Variants in POLR2H observed in about 807,000 individuals in gnomAD.
The protein encoded by POLR2H is RNA polymerase II, I and III subunit H.
Under a neutral mutation model 18.1 loss-of-function variants are expected in POLR2H, and 3 were observed. The observed-to-expected ratio is 0.17, with a 90% CI of 0.08 to 0.43. The LOEUF (loss-of-function observed/expected upper bound fraction) is 0.43, where lower values mean the gene tolerates loss of function less well. Among genes scored for constraint, POLR2H ranks in the 20% least tolerant of loss-of-function variants. POLR2H has a pLI of 0.99. For missense variants in POLR2H, 103 were observed against 184.6 expected (o/e 0.56, Z 2.56); for synonymous variants, 76 against 69.0 (o/e 1.10, Z -0.50).
At chr3:184,363,617 A>T (rs1005104995) in intron 2 of POLR2H, 52 bp downstream of exon 2, 14 of 1,457,702 alleles carry the variant, frequency 9.6e-6, no homozygotes, top group Non-Finnish European at 1.2e-5. Context: ...CCTCGCGGAC[A>T]TGCCCCTGGG....
chr3:184,368,094 TG>T, intron 5 of POLR2H, 82 bp from the exon 6 acceptor site: 1 of 1,608,992 alleles, frequency 6.2e-7, no homozygotes, highest in South Asian at 1.1e-5. Flanking sequence ...AGTAGGAAGA[TG>T]CCTCTTCTCT....
Position 184,363,476 on chromosome 3 carries a change from C to G in POLR2H, c.-17C>G. 1.2e-6 allele frequency: 2 copies of G among 1,611,900 alleles called. No homozygotes were observed. Among genetic ancestry groups the G allele is most frequent in the Non-Finnish European group, 1.7e-6 (2 of 1,178,100 alleles). ...TCGCGCTCTCACCCCTTCTGCTGCT[C>G]TCGTGGCCCCCTCGCGATGGCGGGC... On this transcript the variant is annotated 5_prime_UTR_variant, in exon 2 of 6. Transcript: ENST00000456318.
intron 3 of POLR2H, 37 bp from the exon 4 acceptor site, chr3:184,365,096 G>A (rs1713005458): frequency 1.3e-6 from 2 of 1,583,322 alleles, no homozygotes; most frequent in South Asian, 1.1e-5. Context: ...TGCTGCTTCT[G>A]CTATTCTTTA....
Position 184,363,367 on chromosome 3 carries a change from G to T in POLR2H, c.-126G>T, listed in dbSNP as rs890268534. The T allele has an allele frequency of 1.5e-5, 12 of 783,792 alleles. No homozygotes were observed. Among genetic ancestry groups the T allele is most frequent in the Non-Finnish European group, 2.4e-5 (11 of 453,222 alleles). 48.6% of individuals were successfully genotyped at this position (783,792 alleles called of 1,614,324 possible). On this transcript the variant is annotated 5_prime_UTR_variant, in exon 2 of 6. Coordinates refer to ENST00000456318, the MANE Select transcript of POLR2H (RefSeq NM_006232.5). ...TTGTTTGTGCGCATGCGCCACTCTC[G>T]TCTGGCCGCCGCGCTTTCAGGAGGT...
In POLR2H at chr3:184,363,264, C is replaced by T. The variant is rs775238845; in HGVS notation, c.-229C>T. The T allele has an allele frequency of 6.6e-5, 39 of 589,306 alleles. No homozygotes were observed. Among genetic ancestry groups the T allele is most frequent in the Middle Eastern group, 4.6e-4 (1 of 2,184 alleles). 36.5% of individuals were successfully genotyped at this position (589,306 alleles called of 1,614,324 possible). ...TGAGACCCGCCCTCAATGCCGAAGC[C>T]TCTCGGAAGCAATCTTTCGGGACGG... On this transcript the variant is annotated 5_prime_UTR_variant, in exon 2 of 6. Coordinates refer to ENST00000456318, the MANE Select transcript of POLR2H (RefSeq NM_006232.5).
At position 184,368,083 on chromosome 3, in the gene POLR2H, C is replaced by T. The variant is rs1560278246; in HGVS notation, c.336-94C>T. Reference sequence around the variant, plus strand: ...AGAATTTTGGTTCCTAGTGACACAACAGTAGGAAGATGCCTCTTCTCTTTC... The same window carrying T: ...AGAATTTTGGTTCCTAGTGACACAATAGTAGGAAGATGCCTCTTCTCTTTC... On this transcript the variant is annotated intron_variant, in intron 5 of 5. Coordinates refer to ENST00000456318, the MANE Select transcript of POLR2H (RefSeq NM_006232.5). 5 of 1,599,552 alleles carry T rather than the reference C, an allele frequency of 3.1e-6. No homozygotes were observed. In the South Asian group the frequency reaches 4.4e-5, roughly 14 times the overall value.
chr3:184,363,452 C>T lies in POLR2H; in HGVS notation c.-41C>T, dbSNP rs757366402. 1 of 1,545,312 alleles carries T rather than the reference C, an allele frequency of 6.5e-7. No homozygotes were observed. Among genetic ancestry groups the T allele is most frequent in the Non-Finnish European group, 8.9e-7 (1 of 1,118,326 alleles). On this transcript the variant is annotated 5_prime_UTR_variant, in exon 2 of 6. Coordinates refer to ENST00000456318, the MANE Select transcript of POLR2H (RefSeq NM_006232.5). ...GGGTGCACGTACTCCCAACTGTGGTCGCGCTCTCACCCCTTCTGCTGCTCT... is the reference window on the plus strand; with the variant it reads ...GGGTGCACGTACTCCCAACTGTGGTTGCGCTCTCACCCCTTCTGCTGCTCT...
rs1307504121 is a variant in POLR2H, at chr3:184,362,334, C to T, written c.-621+188C>T. 1 of 152,372 alleles carries T rather than the reference C, an allele frequency of 6.6e-6. No homozygotes were observed. Among genetic ancestry groups the T allele is most frequent in the African/African-American group, 2.4e-5 (1 of 41,416 alleles). 9.4% of individuals were successfully genotyped at this position (152,372 alleles called of 1,614,324 possible). On this transcript the variant is annotated intron_variant, in intron 1 of 5. Coordinates refer to ENST00000456318, the MANE Select transcript of POLR2H (RefSeq NM_006232.5). This position sits in a 1 kb window ranked among gnomAD's most constrained non-coding sequence, Gnocchi z 5.9. Reference sequence around the variant, plus strand: ...ACCCAAGTCGCTGCTTCCATCCCTCCGCTTTGGGGGAACTGCCTGCTGGTG... The same window carrying T: ...ACCCAAGTCGCTGCTTCCATCCCTCTGCTTTGGGGGAACTGCCTGCTGGTG...
In POLR2H at chr3:184,365,316, T is replaced by C. The variant is rs1713044178; in HGVS notation, c.251+90T>C. On this transcript the variant is annotated intron_variant, in intron 4 of 5. Coordinates refer to ENST00000456318, the MANE Select transcript of POLR2H (RefSeq NM_006232.5). ...AAAGACTCTTCTAAAATTCCTGGAA[T>C]AAATGATGATCAGCAGAATCTGAGT... The C allele has an allele frequency of 3.5e-6, 3 of 867,202 alleles. No individual in the cohort carries two copies. The African/African-American group carries it at 5.0e-5, about 14-fold the overall frequency. 53.7% of individuals were successfully genotyped at this position (867,202 alleles called of 1,614,324 possible).
chr3:184,364,217 T>C (rs141710703), intron 2 of POLR2H, among the ~76,000 whole-genome samples: 6 of 152,138 alleles, frequency 3.9e-5, no homozygotes, highest in Non-Finnish European at 5.9e-5. Flanking sequence ...TGAGTTAGAG[T>C]TAGCTGCTTG....
Position 184,362,208 on chromosome 3 carries a change from C to T in POLR2H, c.-621+62C>T. On this transcript the variant is annotated intron_variant, in intron 1 of 5. Coordinates refer to ENST00000456318, the MANE Select transcript of POLR2H (RefSeq NM_006232.5). The surrounding 1 kb of genome is among the most constrained non-coding windows in gnomAD (Gnocchi z 5.9). Reference sequence around the variant, plus strand: ...GCGGGGGTGGAGGTTGGGGAGGGCACCGGAAGGGGTAGGCCGGAGGGAAGG... The same window carrying T: ...GCGGGGGTGGAGGTTGGGGAGGGCATCGGAAGGGGTAGGCCGGAGGGAAGG... 1 of 152,296 alleles carries T rather than the reference C, an allele frequency of 6.6e-6. No homozygotes were observed. The highest frequency in any genetic ancestry group is 1.5e-5 in the Non-Finnish European group (1 of 68,080). The allele number at this position is 152,296 out of a possible 1,614,324, so 9.4% of individuals were successfully genotyped here. A position where few individuals can be genotyped will look rare whatever the true frequency, so the allele number is the denominator to read the frequency against.
rs974033759 is a variant in POLR2H, at chr3:184,361,779, G to A, written c.-988G>A. Reference sequence around the variant, plus strand: ...TCCCGAGAGGCGGCAAGGGGCGCTGGGAAGGCGCAAGCCCGCGCCGGCTCC... The same window carrying A: ...TCCCGAGAGGCGGCAAGGGGCGCTGAGAAGGCGCAAGCCCGCGCCGGCTCC... On this transcript the variant is annotated 5_prime_UTR_variant, in exon 1 of 6. Transcript: ENST00000456318. The surrounding 1 kb of genome is among the most constrained non-coding windows in gnomAD (Gnocchi z 6.6). 1 of 164,772 alleles carries A rather than the reference G, an allele frequency of 6.1e-6. No homozygotes were observed. Among genetic ancestry groups the A allele is most frequent in the Non-Finnish European group, 1.3e-5 (1 of 76,652 alleles). 10.2% of individuals were successfully genotyped at this position (164,772 alleles called of 1,614,324 possible).
At chr3:184,366,213 C>T (rs546271502) in intron 4 of POLR2H, among the ~76,000 whole-genome samples, 78 of 152,172 alleles carry the variant, frequency 5.1e-4, no homozygotes, top group African/African-American at 1.7e-3. Flanking sequence ...TCTCCTTCAG[C>T]CTGTTTCCTC....
Position 184,366,702 on chromosome 3 carries a change from G to A in POLR2H, c.252-15G>A. 1 of 1,469,444 alleles carries A rather than the reference G, an allele frequency of 6.8e-7. No homozygotes were observed. The highest frequency in any genetic ancestry group is 1.1e-5 in the South Asian group (1 of 88,062). 91.0% of individuals were successfully genotyped at this position (1,469,444 alleles called of 1,614,324 possible). A position where few individuals can be genotyped will look rare whatever the true frequency, so the allele number is the denominator to read the frequency against. On this transcript the variant is annotated splice_polypyrimidine_tract_variant and intron_variant, in intron 4 of 5. Transcript: ENST00000456318. ...AATTACTGTTAAGAATAACTTTGCT[G>A]CTATTGCTCCATAGGGCTGACCAGT...
Position 184,363,576 on chromosome 3 carries a change from T to TC in POLR2H, c.73+11_73+12insC. ...AGAAGTTTGACCGAGGTAAGTAAGGTATGTAGGGGCGGTTTGGAGGAAGAG... is the reference window on the plus strand; with the variant it reads ...AGAAGTTTGACCGAGGTAAGTAAGGTCATGTAGGGGCGGTTTGGAGGAAGAG... On this transcript the variant is annotated intron_variant, in intron 2 of 5. Coordinates refer to ENST00000456318, the MANE Select transcript of POLR2H (RefSeq NM_006232.5). The TC allele has an allele frequency of 6.2e-7, 1 of 1,610,768 alleles. No homozygotes were observed. Among genetic ancestry groups the TC allele is most frequent in the Non-Finnish European group, 8.5e-7 (1 of 1,177,070 alleles).
At chr3:184,367,166 TGTGTG>T (rs1560277534) in intron 5 of POLR2H, among the ~76,000 whole-genome samples, 23 of 151,714 alleles carry the variant, frequency 1.5e-4, no homozygotes, top group Non-Finnish European at 2.7e-4. Flanking sequence ...TGTGTGTGTG[TGTGTG>T]GCTACTCTGT....
Position 184,368,393 on chromosome 3 carries a change from TG to T in POLR2H, c.*101del. 1.0e-6 allele frequency: 1 copy of T among 981,538 alleles called. No homozygotes were observed. Among genetic ancestry groups the T allele is most frequent in the Non-Finnish European group, 1.5e-6 (1 of 669,792 alleles). 60.8% of individuals were successfully genotyped at this position (981,538 alleles called of 1,614,324 possible). On this transcript the variant is annotated 3_prime_UTR_variant, in exon 6 of 6. Transcript: ENST00000456318. Reference sequence around the variant, plus strand: ...TCTTGCTCACCTGTTGAGGAAGGGCTGGCTCACTGTCCACCGTGGCGGCATC... The same window carrying T: ...TCTTGCTCACCTGTTGAGGAAGGGCTGCTCACTGTCCACCGTGGCGGCATC...
At chr3:184,363,868 T>C (rs1203199104) in intron 2 of POLR2H, among the ~76,000 whole-genome samples, 1 of 152,202 alleles carries the variant, frequency 6.6e-6, no homozygotes, top group Non-Finnish European at 1.5e-5. Context: ...CTGGCCAACA[T>C]GGTGAAACCC....
Position 184,368,405 on chromosome 3 carries a change from C to A in POLR2H, c.*111C>A. On this transcript the variant is annotated 3_prime_UTR_variant, in exon 6 of 6. Transcript: ENST00000456318. ...GTTGAGGAAGGGCTGGCTCACTGTCCACCGTGGCGGCATCTTTAACTGGCC... is the reference window on the plus strand; with the variant it reads ...GTTGAGGAAGGGCTGGCTCACTGTCAACCGTGGCGGCATCTTTAACTGGCC... 1.2e-6 allele frequency: 1 copy of A among 864,214 alleles called. No homozygotes were observed. The highest frequency in any genetic ancestry group is 1.7e-6 in the Non-Finnish European group (1 of 573,048). 53.5% of individuals were successfully genotyped at this position (864,214 alleles called of 1,614,324 possible). A position where few individuals can be genotyped will look rare whatever the true frequency, so the allele number is the denominator to read the frequency against.
Sources: allele counts gnomAD v4.1 joint callset (sites outside exome capture counted in the v4.1 genomes callset), GRCh38; gene constraint gnomAD v4.1.1; non-coding constraint Gnocchi (gnomAD v3.1); transcripts MANE v1.5; gene names NCBI Gene and HGNC (gene_info 2026-07-23, HGNC 2026-07-21).